The following EFCAB5 variants were observed in gnomAD, a reference collection of about 807,000 sequenced individuals.
The protein encoded by EFCAB5 is EF-hand calcium-binding domain-containing protein 5.
EFCAB5 carries 131 observed loss-of-function variants against 167.9 expected under a neutral mutation model. The observed-to-expected ratio is 0.78, with a 90% CI of 0.68 to 0.90. EFCAB5 has a LOEUF of 0.90. Ranked by LOEUF, EFCAB5 falls within the 40% of genes least tolerant of loss-of-function variation. EFCAB5 has a pLI of 0.00. For missense variants in EFCAB5, 1,663 were observed against 1,745.2 expected, an observed-to-expected ratio of 0.95 and a Z score of 0.84; for synonymous variants, 574 against 602.8, an observed-to-expected ratio of 0.95 and a Z score of 0.70.
At chr17:30,054,736 T>C (rs2070204412) in intron 10 of EFCAB5, among the ~76,000 whole-genome samples, 1 of 152,182 alleles carries the variant, frequency 6.6e-6, no homozygotes. Flanking sequence ...ATTCTAGAAA[T>C]AAACAATTCA....
intron 14 of EFCAB5, among the ~76,000 whole-genome samples, chr17:30,065,184 AC>A (rs2070531029): frequency 6.6e-6 from 1 of 152,224 alleles, no homozygotes; most frequent in Non-Finnish European, 1.5e-5. Context: ...AAATCTTATC[AC>A]CAAAGAAAAC....
At chr17:30,066,693 A>C (rs1185739362) in intron 14 of EFCAB5, among the ~76,000 whole-genome samples, 1 of 152,150 alleles carries the variant, frequency 6.6e-6, no homozygotes, top group African/African-American at 2.4e-5. Context: ...AATACAATTG[A>C]GACCAAAAAA....
At chr17:30,044,913 G>A (rs1156913226) in intron 8 of EFCAB5, among the ~76,000 whole-genome samples, 11 of 152,094 alleles carry the variant, frequency 7.2e-5, no homozygotes, top group African/African-American at 2.4e-4. Flanking sequence ...AATGTCCATC[G>A]ACTTGTGGAT....
chr17:30,093,260 A>G (rs1015911799), intron 22 of EFCAB5, among the ~76,000 whole-genome samples: 1 of 152,262 alleles, frequency 6.6e-6, no homozygotes, highest in Non-Finnish European at 1.5e-5. Context: ...ATAAATAACC[A>G]AAGAAAATAA....
intron 8 of EFCAB5, among the ~76,000 whole-genome samples, chr17:30,049,649 A>T (rs1356509445): frequency 2.0e-5 from 3 of 152,244 alleles, no homozygotes; most frequent in African/African-American, 7.2e-5. Flanking sequence ...AATCAGGGAA[A>T]TGCAAATTAA....
At chr17:30,014,804 G>A (rs924943456) in intron 7 of EFCAB5, among the ~76,000 whole-genome samples, 1 of 152,074 alleles carries the variant, frequency 6.6e-6, no homozygotes, top group Non-Finnish European at 1.5e-5. Context: ...TTACATTTAA[G>A]GTTAATATTG....
At chr17:29,933,487 G>T (rs368319658) in intron 1 of EFCAB5, among the ~76,000 whole-genome samples, 11 of 152,148 alleles carry the variant, frequency 7.2e-5, no homozygotes, top group Non-Finnish European at 1.2e-4. Flanking sequence ...AAGAGCCTAG[G>T]ATCCTCTTAC....
In EFCAB5 at chr17:29,962,436, C is replaced by G. The variant is rs186468852; in HGVS notation, c.191-6355C>G. Among the ~76,000 whole-genome samples the G allele has an allele frequency of 2.2e-3, 336 of 152,004 alleles. 2 individuals carry two copies. Among genetic ancestry groups the G allele is most frequent in the African/African-American group, 7.6e-3 (315 of 41,474 alleles). ...ATTCCTAAGTATTCTATTCTTTTAG[C>G]TGCTTTTATAAATGGAATTGCTTTC... On this transcript the variant is annotated intron_variant, in intron 3 of 22. Transcript: ENST00000394835.
chr17:30,087,954 T>C lies in EFCAB5; in HGVS notation c.3683+788T>C, dbSNP rs531892705. ...ACTTTTCCACAGTCTTGCCAGCATC[T>C]CTTGTTTTTTGACTTAAGATCACCA... On this transcript the variant is annotated intron_variant, in intron 19 of 22. Transcript: ENST00000394835. Among the ~76,000 whole-genome samples, 14 of 152,290 alleles carry C rather than the reference T, an allele frequency of 9.2e-5. No homozygotes were observed. In the South Asian group the frequency reaches 2.7e-3, roughly 29 times the overall value.
chr17:30,021,348 ATATAT>A (rs1487958924), intron 7 of EFCAB5, among the ~76,000 whole-genome samples: 1 of 147,802 alleles, frequency 6.8e-6, no homozygotes, highest in African/African-American at 2.4e-5. Flanking sequence ...TAAATATGGT[ATATAT>A]TATATGTAAA....
rs546480733 is a variant in EFCAB5 at position 29,990,830 on chromosome 17, G to A, written c.768-2335G>A. 3.9e-5 allele frequency among the ~76,000 whole-genome samples: 6 copies of A among 152,268 alleles called. No individual in the cohort carries two copies. In the South Asian group the frequency reaches 6.2e-4, roughly 16 times the overall value. On this transcript the variant is annotated intron_variant, in intron 4 of 22. Transcript: ENST00000394835. ...TGAATAGAACTGAGAGCAGTCGCTC[G>A]AGGTGCTGCTCGAACAGTCACTGGG... is the stretch of plus-strand genomic sequence containing the variant.
chr17:30,056,007 C>G (rs2070252152), intron 11 of EFCAB5, 42 bp downstream of exon 11: 3 of 1,612,974 alleles, frequency 1.9e-6, no homozygotes, highest in Non-Finnish European at 2.5e-6. Flanking sequence ...TACCCTAGAA[C>G]AAAAATATTG....
chr17:30,037,513 A>G (rs1645867559), intron 8 of EFCAB5, among the ~76,000 whole-genome samples: 1 of 152,110 alleles, frequency 6.6e-6, no homozygotes, highest in Non-Finnish European at 1.5e-5. Context: ...CCCCCAAAAT[A>G]TGGGCGAAAG....
At chr17:30,085,858 C>T (rs2071079972) in intron 18 of EFCAB5, among the ~76,000 whole-genome samples, 1 of 152,088 alleles carries the variant, frequency 6.6e-6, no homozygotes, top group South Asian at 2.1e-4. Context: ...TTTGGAAGAA[C>T]CCTTGATGTC....
At chr17:29,951,487 G>A (rs372205153) in intron 3 of EFCAB5, among the ~76,000 whole-genome samples, 15 of 151,128 alleles carry the variant, frequency 9.9e-5, no homozygotes, top group East Asian at 3.9e-4. Context: ...ACAGGTGCCC[G>A]CCACCACACC....
At chr17:30,073,318 A>C (rs1197785172) in intron 14 of EFCAB5, 4 of 542,536 alleles carry the variant, frequency 7.4e-6, no homozygotes, top group Non-Finnish European at 1.3e-5. Flanking sequence ...CAGTCTCCCG[A>C]AGTGCTGGGA....
intron 8 of EFCAB5, among the ~76,000 whole-genome samples, chr17:30,039,635 C>T (rs767195520): frequency 1.3e-5 from 2 of 152,190 alleles, no homozygotes; most frequent in African/African-American, 2.4e-5. Flanking sequence ...CAAGGCTGGA[C>T]CTCCGAGGAG....
At chr17:29,946,081 G>A (rs1250212264) in intron 3 of EFCAB5, among the ~76,000 whole-genome samples, 1 of 152,070 alleles carries the variant, frequency 6.6e-6, no homozygotes, top group African/African-American at 2.4e-5. Context: ...TATTTGCCAT[G>A]TGTCCAACAA....
chr17:29,968,811 C>A lies in EFCAB5; in HGVS notation c.211C>A (p.Arg71=), dbSNP rs761822142. The A allele has an allele frequency of 6.0e-6, 9 of 1,495,688 alleles. No individual in the cohort carries two copies. The East Asian group carries it at 1.5e-4, about 25-fold the overall frequency. 92.7% of individuals were successfully genotyped at this position (1,495,688 alleles called of 1,614,324 possible). A position where few individuals can be genotyped will look rare whatever the true frequency, so the allele number is the denominator to read the frequency against. ...CTCAGAATTAAACCTGGAGGGGCAG[C>A]GAAAAATTTCACCTGGTTCAATAAA... ...KSQELNLEGQ[R]KISPGSIKDS... Residue 71 remains arginine, a synonymous_variant, in exon 4 of 23, where the codon CGA becomes AGA. Coordinates refer to ENST00000394835, the MANE Select transcript of EFCAB5 (RefSeq NM_198529.4).
Sources: gnomAD v4.1 joint callset for allele counts (sites outside exome capture counted in the v4.1 genomes callset) on GRCh38, gnomAD v4.1.1 for gene constraint, MANE v1.5 for transcripts, NCBI Gene and HGNC (gene_info 2026-07-23, HGNC 2026-07-21) for gene names.